PLCG2: variants seen among roughly 807,000 people sequenced by gnomAD.
PLCG2 encodes the protein phospholipase C gamma 2.
A neutral mutation model predicts 175.6 loss-of-function variants in PLCG2; 69 were observed. The observed-to-expected ratio is 0.39, with a 90% CI of 0.32 to 0.48. The LOEUF is 0.48. Among genes scored for constraint, PLCG2 ranks in the 20% least tolerant of loss-of-function variants. The pLI, the probability that PLCG2 is intolerant of heterozygous loss-of-function variation, is 0.91. For synonymous variants in PLCG2, 827 were observed against 624.0 expected, an observed-to-expected ratio of 1.33 and a Z score of -4.85; for missense variants, 1,798 against 1,650.9, an observed-to-expected ratio of 1.09 and a Z score of -1.54.
At chr16:81,947,935 C>T (rs1911213811) in intron 31 of PLCG2, among the ~76,000 whole-genome samples, 1 of 152,174 alleles carries the variant, frequency 6.6e-6, no homozygotes, top group African/African-American at 2.4e-5. Flanking sequence ...ATGATATTTC[C>T]ATAGTCAGAT....
intron 7 of PLCG2, among the ~76,000 whole-genome samples, chr16:81,872,277 G>T (rs1907552755): frequency 6.6e-6 from 1 of 152,056 alleles, no homozygotes; most frequent in South Asian, 2.1e-4. Context: ...GCAGTGAGCC[G>T]AGATTGCACT....
chr16:81,782,146 A>G (rs9944338), intron 1 of PLCG2, among the ~76,000 whole-genome samples: 128,305 of 151,744 alleles, frequency 0.85, 54,314 homozygotes, highest in South Asian at 0.95. Context: ...AAAGTGCTGG[A>G]ATTACAGTCA....
At chr16:81,943,640 G>A (rs1210018325) in intron 30 of PLCG2, among the ~76,000 whole-genome samples, 1 of 152,156 alleles carries the variant, frequency 6.6e-6, no homozygotes, top group East Asian at 1.9e-4. Context: ...GACTTCCCAA[G>A]TCAGAATCTG....
intron 8 of PLCG2, 131 bp downstream of exon 8, chr16:81,881,084 G>C (rs1242478273): frequency 1.2e-6 from 1 of 832,728 alleles, no homozygotes; most frequent in Non-Finnish European, 2.0e-6. Flanking sequence ...GCCCCTGCTG[G>C]GGAATTGGCC....
Position 81,858,376 on chromosome 16 carries a change from T to C in PLCG2, c.431+20T>C. On this transcript the variant is annotated intron_variant, in intron 4 of 32. Transcript: ENST00000564138. ...CGAGAGGTAGTTGGCTTTTGCCTGT[T>C]GATTTGCGTAGTTGCTGATTCCTTT... 1.3e-6 allele frequency: 2 copies of C among 1,554,036 alleles called. No individual in the cohort carries two copies. The highest frequency in any genetic ancestry group is 1.8e-6 in the Non-Finnish European group (2 of 1,125,150).
intron 19 of PLCG2, among the ~76,000 whole-genome samples, chr16:81,919,172 A>G (rs1483211559): frequency 6.6e-6 from 1 of 152,128 alleles, no homozygotes; most frequent in Non-Finnish European, 1.5e-5. Context: ...CATTTGGCCT[A>G]CTCTTGACCT....
chr16:81,930,464 T>G (rs1023525585), intron 24 of PLCG2, among the ~76,000 whole-genome samples: 4 of 152,084 alleles, frequency 2.6e-5, no homozygotes, highest in African/African-American at 9.7e-5. Flanking sequence ...TTAAAGCCAT[T>G]TAGCTGGGTG....
chr16:81,902,410 G>A (rs953764268), intron 14 of PLCG2, among the ~76,000 whole-genome samples: 7 of 152,232 alleles, frequency 4.6e-5, no homozygotes, highest in African/African-American at 1.7e-4. Flanking sequence ...CTTCCAAGTT[G>A]TAGGCTGCCG....
At chr16:81,778,044 A>AAACAAAC (rs1567457783), upstream of PLCG2, among the ~76,000 whole-genome samples, 8,560 of 83,658 alleles carry the variant, frequency 0.1, 732 homozygotes, top group African/African-American at 0.25. Flanking sequence ...AAAAAAAAAC[A>AAACAAAC]AAAAAAAAAA....
rs1429989497 is a variant in PLCG2, at chr16:81,921,267, A to G, written c.2305A>G (p.Met769Val). Reference protein sequence around the residue: ...YVDPSEINPSMPQRTVKALYD... With the variant: ...YVDPSEINPSVPQRTVKALYD... ...GGATCCCAGTGAAATCAATCCGTCCATGGTACGGTGCCGAACCTCCAATTC... is the reference window on the plus strand; with the variant it reads ...GGATCCCAGTGAAATCAATCCGTCCGTGGTACGGTGCCGAACCTCCAATTC... Residue 769 changes from methionine to valine, a missense_variant and splice_region_variant, in exon 21 of 33, where the codon ATG (methionine) becomes GTG (valine). Coordinates refer to ENST00000564138, the MANE Select transcript of PLCG2 (RefSeq NM_002661.5). 11 of 1,601,942 alleles carry G rather than the reference A, an allele frequency of 6.9e-6. No homozygotes were observed. Among genetic ancestry groups the G allele is most frequent in the South Asian group, 2.2e-5 (2 of 90,828 alleles).
At chr16:81,814,983 T>G (rs977451790) in intron 2 of PLCG2, among the ~76,000 whole-genome samples, 2 of 152,172 alleles carry the variant, frequency 1.3e-5, no homozygotes, top group African/African-American at 4.8e-5. Flanking sequence ...CGATAAGAAG[T>G]TACTTTTATT....
At chr16:81,938,123 T>C (rs1219029684) in intron 28 of PLCG2, among the ~76,000 whole-genome samples, 1 of 152,192 alleles carries the variant, frequency 6.6e-6, no homozygotes, top group African/African-American at 2.4e-5. Context: ...TCAAACCCAC[T>C]TCCCCTTGTC....
At chr16:81,883,131 G>T (rs1317724519) in intron 8 of PLCG2, 138 bp from the exon 9 acceptor site, 2 of 692,946 alleles carry the variant, frequency 2.9e-6, no homozygotes, top group South Asian at 3.3e-5. Flanking sequence ...TCTTCCTGTT[G>T]GCCAACCTGG....
chr16:81,853,192 A>G (rs960356266), intron 2 of PLCG2, among the ~76,000 whole-genome samples: 1 of 152,126 alleles, frequency 6.6e-6, no homozygotes, highest in African/African-American at 2.4e-5. Flanking sequence ...CTAGCCGGGC[A>G]TGGTGGCACA....
At chr16:81,830,346 C>T (rs1905210290) in intron 2 of PLCG2, among the ~76,000 whole-genome samples, 1 of 152,052 alleles carries the variant, frequency 6.6e-6, no homozygotes, top group African/African-American at 2.4e-5. Context: ...TGCTCTGTGG[C>T]CCAGGCTGGA....
intron 31 of PLCG2, among the ~76,000 whole-genome samples, chr16:81,951,941 G>T (rs1353035663): frequency 6.6e-6 from 1 of 152,048 alleles, no homozygotes; most frequent in East Asian, 1.9e-4. Flanking sequence ...AAAACAGGAA[G>T]ACTTCAATTT....
chr16:81,919,743 C>A, intron 20 of PLCG2, 79 bp downstream of exon 20: 2 of 1,229,940 alleles, frequency 1.6e-6, no homozygotes, highest in Non-Finnish European at 2.3e-6. Flanking sequence ...ATTCAGCAAA[C>A]CTCTGAGTAT....
intron 2 of PLCG2, among the ~76,000 whole-genome samples, chr16:81,820,326 G>C (rs1904738592): frequency 6.6e-6 from 1 of 151,602 alleles, no homozygotes; most frequent in South Asian, 2.1e-4. Context: ...ACCCTCCCCA[G>C]CATGCACACT....
At chr16:81,753,263 T>C (rs1909849131) in intron 1 of PLCG2, among the ~76,000 whole-genome samples, 1 of 151,614 alleles carries the variant, frequency 6.6e-6, no homozygotes, top group Admixed American at 6.6e-5. Context: ...CACAGCCCCA[T>C]TGAGCCAATT....
Sources: allele counts gnomAD v4.1 joint callset (sites outside exome capture counted in the v4.1 genomes callset), GRCh38; gene constraint gnomAD v4.1.1; transcripts MANE v1.5; gene names NCBI Gene and HGNC (gene_info 2026-07-23, HGNC 2026-07-21).